HS3ST3A1: variants seen among roughly 807,000 people sequenced by gnomAD.
The protein encoded by HS3ST3A1 is heparan sulfate-glucosamine 3-sulfotransferase 3A1, also known as heparan sulfate glucosamine 3-O-sulfotransferase 3A1.
HS3ST3A1 carries 19 observed loss-of-function variants against 25.7 expected under a neutral mutation model. The ratio of observed to expected loss-of-function variants is 0.74; its 90% confidence interval spans 0.52 to 1.08. HS3ST3A1 has a LOEUF of 1.08. Ranked by LOEUF, HS3ST3A1 falls within the 50% of genes least tolerant of loss-of-function variation. The pLI is 0.00. For missense variants in HS3ST3A1, 459 were observed against 594.3 expected (o/e 0.77, Z 2.37); for synonymous variants, 226 against 278.6 (o/e 0.81, Z 1.88).
rs1401206715 is a variant in HS3ST3A1 at position 13,494,053 on chromosome 17, C to G, written c.*2144G>C. Among the ~76,000 whole-genome samples the G allele has an allele frequency of 6.6e-6, 1 of 152,132 alleles. No individual in the cohort carries two copies. Among genetic ancestry groups the G allele is most frequent in the Non-Finnish European group, 1.5e-5 (1 of 68,008 alleles). Reference sequence around the variant, plus strand: ...GGGATCCTTTGCATTCAATTCTGTTCTTTTATTTCTTTCACATTAAAAAAA... The same window carrying G: ...GGGATCCTTTGCATTCAATTCTGTTGTTTTATTTCTTTCACATTAAAAAAA... On this transcript the variant is annotated 3_prime_UTR_variant, in exon 2 of 2. Transcript: ENST00000284110.
At chr17:13,551,182 A>C (rs1244275803) in intron 1 of HS3ST3A1, among the ~76,000 whole-genome samples, 1 of 151,718 alleles carries the variant, frequency 6.6e-6, no homozygotes, top group African/African-American at 2.4e-5. Flanking sequence ...CCCCGTCTCT[A>C]TTAAAAATGC....
intron 1 of HS3ST3A1, among the ~76,000 whole-genome samples, chr17:13,511,756 A>G (rs1045863515): frequency 2.0e-5 from 3 of 151,634 alleles, no homozygotes; most frequent in Admixed American, 2.0e-4. Context: ...CTTTATAAAT[A>G]TGTTTGAGAT....
chr17:13,545,447 GA>G (rs1228117467), intron 1 of HS3ST3A1, among the ~76,000 whole-genome samples: 1 of 152,140 alleles, frequency 6.6e-6, no homozygotes, highest in Non-Finnish European at 1.5e-5. Context: ...CACCATCTGA[GA>G]AATCTTTCCT....
intron 1 of HS3ST3A1, among the ~76,000 whole-genome samples, chr17:13,555,640 C>A (rs867942585): frequency 6.6e-6 from 1 of 152,060 alleles, no homozygotes; most frequent in South Asian, 2.1e-4. Context: ...GACCTAACAC[C>A]CAAACACAAC....
chr17:13,571,021 T>C (rs1401241364), intron 1 of HS3ST3A1, among the ~76,000 whole-genome samples: 1 of 152,186 alleles, frequency 6.6e-6, no homozygotes, highest in East Asian at 1.9e-4. Flanking sequence ...GCTGTCTTCT[T>C]AGGTGTCCGT....
At chr17:13,571,944 C>T (rs1907825541) in intron 1 of HS3ST3A1, among the ~76,000 whole-genome samples, 1 of 151,982 alleles carries the variant, frequency 6.6e-6, no homozygotes, top group Non-Finnish European at 1.5e-5. Context: ...ATTTTTAGTA[C>T]AGACGGGGTT....
At chr17:13,579,728 A>T (rs1229534521) in intron 1 of HS3ST3A1, among the ~76,000 whole-genome samples, 3 of 137,232 alleles carry the variant, frequency 2.2e-5, no homozygotes, top group African/African-American at 7.8e-5. Context: ...AAAAAAAAAA[A>T]TCATAAGAAA....
At chr17:13,600,464 C>T (rs1908689107) in intron 1 of HS3ST3A1, 67 bp downstream of exon 1, 1 of 1,473,194 alleles carries the variant, frequency 6.8e-7, no homozygotes, top group Non-Finnish European at 8.9e-7. Flanking sequence ...ACCGAGGGCT[C>T]CTCCACGTCT....
intron 1 of HS3ST3A1, among the ~76,000 whole-genome samples, chr17:13,545,918 G>A (rs535601313): frequency 7.9e-5 from 12 of 152,114 alleles, no homozygotes; most frequent in South Asian, 2.1e-4. Context: ...CAGAGGCTGC[G>A]GTGAACCGAG....
chr17:13,594,528 A>T (rs1908522320), intron 1 of HS3ST3A1, among the ~76,000 whole-genome samples: 1 of 152,220 alleles, frequency 6.6e-6, no homozygotes, highest in African/African-American at 2.4e-5. Context: ...GGCCTGCATT[A>T]CTGATGTTGA....
intron 1 of HS3ST3A1, among the ~76,000 whole-genome samples, chr17:13,570,441 C>A (rs1359449439): frequency 1.3e-5 from 2 of 152,138 alleles, no homozygotes; most frequent in African/African-American, 4.8e-5. Context: ...AATCACTCAT[C>A]CATAATTCCA....
intron 1 of HS3ST3A1, among the ~76,000 whole-genome samples, chr17:13,592,866 A>G (rs1296474979): frequency 1.3e-5 from 2 of 152,304 alleles, no homozygotes; most frequent in South Asian, 2.1e-4. Context: ...CTAGACAGGA[A>G]CTTTGAGTCT....
At chr17:13,512,276 G>A (rs949552655) in intron 1 of HS3ST3A1, among the ~76,000 whole-genome samples, 5 of 138,786 alleles carry the variant, frequency 3.6e-5, no homozygotes, top group South Asian at 2.2e-4. Flanking sequence ...TCCGCAGTCC[G>A]GCCTGGGCGA....
At chr17:13,567,397 C>T (rs1203906094) in intron 1 of HS3ST3A1, among the ~76,000 whole-genome samples, 1 of 152,176 alleles carries the variant, frequency 6.6e-6, no homozygotes, top group Admixed American at 6.5e-5. Flanking sequence ...ATACAATATC[C>T]ATTCTGTAGC....
intron 1 of HS3ST3A1, among the ~76,000 whole-genome samples, chr17:13,597,776 A>G (rs1442106969): frequency 6.6e-6 from 1 of 152,344 alleles, no homozygotes; most frequent in Non-Finnish European, 1.5e-5. Flanking sequence ...CTCTTGGAAA[A>G]AACTTCATAA....
At chr17:13,523,328 G>T (rs950921200) in intron 1 of HS3ST3A1, among the ~76,000 whole-genome samples, 1 of 148,172 alleles carries the variant, frequency 6.7e-6, no homozygotes, top group African/African-American at 2.7e-5. Context: ...CAGGAAACTG[G>T]ATCAGTTAAC....
chr17:13,591,191 C>T (rs113793597), intron 1 of HS3ST3A1, among the ~76,000 whole-genome samples: 32 of 151,978 alleles, frequency 2.1e-4, no homozygotes, highest in African/African-American at 6.3e-4. Context: ...GGATTACAGG[C>T]ATGGCCACCA....
chr17:13,566,540 A>C (rs1005106349), intron 1 of HS3ST3A1, among the ~76,000 whole-genome samples: 1 of 152,228 alleles, frequency 6.6e-6, no homozygotes, highest in Non-Finnish European at 1.5e-5. Flanking sequence ...TGAGGAAGGC[A>C]TGTTGAAAGC....
At chr17:13,501,467 CTAAT>C (rs1461457522) in intron 1 of HS3ST3A1, among the ~76,000 whole-genome samples, 1 of 76,300 alleles carries the variant, frequency 1.3e-5, no homozygotes, top group African/African-American at 7.1e-5. Context: ...TGCTTTACGG[CTAAT>C]TAAACATTAC....
Sources: allele counts gnomAD v4.1 joint callset (sites outside exome capture counted in the v4.1 genomes callset), GRCh38; gene constraint gnomAD v4.1.1; transcripts MANE v1.5; gene names NCBI Gene and HGNC (gene_info 2026-07-23, HGNC 2026-07-21).